MYRIP: variants seen among roughly 807,000 people sequenced by gnomAD.
The protein encoded by MYRIP is rab effector MyRIP.
MYRIP carries 49 observed loss-of-function variants against 98.0 expected under a neutral mutation model. The observed-to-expected ratio is 0.50, with a 90% confidence interval of 0.40 to 0.63. The LOEUF (loss-of-function observed/expected upper bound fraction) is 0.63. Ranked by LOEUF, MYRIP falls within the 30% of genes least tolerant of loss-of-function variation. MYRIP has a pLI of 0.00. For missense variants in MYRIP, 1,004 were observed against 1,058.2 expected, an observed-to-expected ratio of 0.95 and a Z score of 0.71; for synonymous variants, 404 against 409.5, an observed-to-expected ratio of 0.99 and a Z score of 0.16.
At chr3:40,231,801 T>C (rs995758629) in intron 11 of MYRIP, among the ~76,000 whole-genome samples, 3 of 152,258 alleles carry the variant, frequency 2.0e-5, no homozygotes, top group Non-Finnish European at 4.4e-5. Flanking sequence ...CATATATCTT[T>C]CTTTTCAAAA....
chr3:39,856,464 G>C (rs1158792330), intron 1 of MYRIP, among the ~76,000 whole-genome samples: 1 of 152,162 alleles, frequency 6.6e-6, no homozygotes, highest in East Asian at 1.9e-4. Context: ...AGCCCCATTT[G>C]AATGCACAGT....
At chr3:39,827,871 A>G (rs902593228) in intron 1 of MYRIP, among the ~76,000 whole-genome samples, 1 of 139,294 alleles carries the variant, frequency 7.2e-6, no homozygotes, top group African/African-American at 2.7e-5. Context: ...AATATTCTTG[A>G]TTGGCAGTTT....
At chr3:39,846,823 G>A (rs1941978618) in intron 1 of MYRIP, among the ~76,000 whole-genome samples, 1 of 152,160 alleles carries the variant, frequency 6.6e-6, no homozygotes, top group South Asian at 2.1e-4. Flanking sequence ...AGCATTTGCA[G>A]TGTGGGCCAG....
At chr3:40,065,501 T>C (rs951679277) in intron 3 of MYRIP, among the ~76,000 whole-genome samples, 1 of 152,138 alleles carries the variant, frequency 6.6e-6, no homozygotes, top group African/African-American at 2.4e-5. Context: ...TGGTGGATGT[T>C]GATATCAGTC....
At chr3:40,007,638 G>T (rs1017768184) in intron 2 of MYRIP, among the ~76,000 whole-genome samples, 1 of 152,172 alleles carries the variant, frequency 6.6e-6, no homozygotes, top group African/African-American at 2.4e-5. Context: ...GACTACAGTG[G>T]GTTCTCCAGA....
chr3:40,158,858 C>T (rs1338819830), intron 4 of MYRIP, among the ~76,000 whole-genome samples: 1 of 150,136 alleles, frequency 6.7e-6, no homozygotes, highest in African/African-American at 2.5e-5. Context: ...GGTAGATCTT[C>T]CTCCATCCTT....
intron 3 of MYRIP, among the ~76,000 whole-genome samples, chr3:40,107,605 A>G (rs570477604): frequency 1.5e-4 from 23 of 152,310 alleles, no homozygotes; most frequent in Admixed American, 1.0e-3. Flanking sequence ...AATAGCAGGT[A>G]TAAGGCCCAT....
At chr3:40,039,045 A>T (rs1255936728) in intron 2 of MYRIP, among the ~76,000 whole-genome samples, 1 of 152,154 alleles carries the variant, frequency 6.6e-6, no homozygotes, top group Non-Finnish European at 1.5e-5. Flanking sequence ...TAACTGCAGC[A>T]TGCCCACATG....
At chr3:39,871,977 C>A (rs1017994831) in intron 1 of MYRIP, among the ~76,000 whole-genome samples, 8 of 151,980 alleles carry the variant, frequency 5.3e-5, no homozygotes, top group Admixed American at 3.3e-4. Flanking sequence ...CTGCAGCTGT[C>A]ACACACCATA....
At chr3:40,036,900 G>A (rs951577063) in intron 2 of MYRIP, among the ~76,000 whole-genome samples, 3 of 152,060 alleles carry the variant, frequency 2.0e-5, no homozygotes, top group Admixed American at 6.6e-5. Context: ...TGTTGATGAC[G>A]AGACATCTGT....
chr3:39,932,013 C>T (rs1411656731), intron 2 of MYRIP, among the ~76,000 whole-genome samples: 1 of 152,128 alleles, frequency 6.6e-6, no homozygotes, highest in Non-Finnish European at 1.5e-5. Context: ...ACTGCTGCCA[C>T]ATAGAATTAG....
At chr3:40,007,051 C>T (rs1431291344) in intron 2 of MYRIP, among the ~76,000 whole-genome samples, 1 of 152,144 alleles carries the variant, frequency 6.6e-6, no homozygotes, top group Non-Finnish European at 1.5e-5. Context: ...GTGTGATGGC[C>T]TCAGCAAATG....
chr3:39,932,858 A>G (rs1451506079), intron 2 of MYRIP, among the ~76,000 whole-genome samples: 3 of 152,206 alleles, frequency 2.0e-5, no homozygotes, highest in Non-Finnish European at 4.4e-5. Context: ...CAGGAGCCTC[A>G]CTTCTCAGAG....
intron 2 of MYRIP, among the ~76,000 whole-genome samples, chr3:39,984,653 T>C (rs1285125451): frequency 6.6e-6 from 1 of 152,154 alleles, no homozygotes; most frequent in Non-Finnish European, 1.5e-5. Context: ...TGGTTCCAAG[T>C]CTTTGCTGTT....
At chr3:40,182,915 T>G (rs988321506) in intron 9 of MYRIP, among the ~76,000 whole-genome samples, 7 of 152,200 alleles carry the variant, frequency 4.6e-5, no homozygotes, top group African/African-American at 1.7e-4. Flanking sequence ...TCTAAGCGGC[T>G]TAATACAATC....
chr3:39,999,467 A>G (rs928107088), intron 2 of MYRIP, among the ~76,000 whole-genome samples: 12 of 152,220 alleles, frequency 7.9e-5, no homozygotes, highest in East Asian at 7.7e-4. Context: ...AATCAAAACC[A>G]CAATGAGATA....
chr3:39,852,772 TCTCTTCTGTTCTC>T (rs1447343845), intron 1 of MYRIP, among the ~76,000 whole-genome samples: 2 of 151,216 alleles, frequency 1.3e-5, no homozygotes, highest in Non-Finnish European at 2.9e-5. Flanking sequence ...CCTCTTCTCT[TCTCTTCTGTTCTC>T]CTCTTCTCCT....
intron 2 of MYRIP, among the ~76,000 whole-genome samples, chr3:39,904,865 T>A (rs191880293): frequency 6.6e-6 from 1 of 152,330 alleles, no homozygotes; most frequent in African/African-American, 2.4e-5. Context: ...GCATTGAATT[T>A]TTAATGTCAT....
chr3:39,876,847 T>C (rs1358840282), intron 1 of MYRIP, among the ~76,000 whole-genome samples: 1 of 152,114 alleles, frequency 6.6e-6, no homozygotes, highest in Non-Finnish European at 1.5e-5. Context: ...GAGGAGTATC[T>C]TTGTGGTGTT....
Sources: allele counts gnomAD v4.1 joint callset (sites outside exome capture counted in the v4.1 genomes callset), GRCh38; gene constraint gnomAD v4.1.1; transcripts MANE v1.5; gene names NCBI Gene and HGNC (gene_info 2026-07-23, HGNC 2026-07-21).